SCNN1B: variants seen among roughly 807,000 people sequenced by gnomAD.
SCNN1B encodes the protein epithelial sodium channel subunit beta.
A neutral mutation model predicts 65.3 loss-of-function variants in SCNN1B; 46 were observed. The ratio of observed to expected loss-of-function variants is 0.70; its 90% CI spans 0.56 to 0.90. SCNN1B has a LOEUF of 0.90. SCNN1B is among the 40% of genes least tolerant of loss of function. The pLI is 0.00. For missense variants in SCNN1B, 751 were observed against 830.5 expected (o/e 0.90, Z 1.18); for synonymous variants, 349 against 330.6 (o/e 1.06, Z -0.60).
intron 1 of SCNN1B, among the ~76,000 whole-genome samples, chr16:23,323,885 CCTTT>C (rs1268053731): frequency 6.6e-6 from 1 of 152,142 alleles, no homozygotes; most frequent in Non-Finnish European, 1.5e-5. Context: ...CAGCATCAGT[CCTTT>C]CTAAGGCAAT....
chr16:23,302,690 C>A (rs1165688566), intron 1 of SCNN1B, among the ~76,000 whole-genome samples: 1 of 152,112 alleles, frequency 6.6e-6, no homozygotes, highest in East Asian at 1.9e-4. Flanking sequence ...CCAGGGTCCC[C>A]GGCGTGTCTG....
intron 1 of SCNN1B, among the ~76,000 whole-genome samples, chr16:23,306,024 C>A (rs555250331): frequency 1.3e-5 from 2 of 152,226 alleles, no homozygotes; most frequent in East Asian, 3.9e-4. Context: ...GGGTGGATCA[C>A]CTGAGTTCAG....
intron 1 of SCNN1B, among the ~76,000 whole-genome samples, chr16:23,305,534 T>TTATATATA (rs56338840): frequency 1.5e-3 from 11 of 7,372 alleles, no homozygotes; most frequent in Admixed American, 5.2e-3. Flanking sequence ...AATATATATA[T>TTATATATA]TATATATATA....
At chr16:23,284,675 T>C (rs1372271205) in intron 2 of SCNN1B, among the ~76,000 whole-genome samples, 3 of 152,112 alleles carry the variant, frequency 2.0e-5, no homozygotes, top group African/African-American at 7.2e-5. Context: ...TACAAAAGCA[T>C]GGAGTGAACC....
chr16:23,303,048 T>C (rs577745412), intron 1 of SCNN1B, among the ~76,000 whole-genome samples: 1 of 152,170 alleles, frequency 6.6e-6, no homozygotes, highest in African/African-American at 2.4e-5. Context: ...TTTGGGGTGA[T>C]GTGGTGGAGG....
chr16:23,327,676 C>T (rs1212381745), intron 1 of SCNN1B, among the ~76,000 whole-genome samples: 1 of 152,158 alleles, frequency 6.6e-6, no homozygotes, highest in Non-Finnish European at 1.5e-5. Context: ...TGTATCCATA[C>T]AGAGAAGCTG....
chr16:23,284,954 G>A (rs566299838), intron 2 of SCNN1B, among the ~76,000 whole-genome samples: 54 of 152,304 alleles, frequency 3.5e-4, no homozygotes, highest in African/African-American at 1.1e-3. Context: ...AAGACTATGC[G>A]AGTTCATGGT....
At chr16:23,374,038 A>T (rs929402858) in intron 7 of SCNN1B, among the ~76,000 whole-genome samples, 2 of 151,990 alleles carry the variant, frequency 1.3e-5, no homozygotes, top group African/African-American at 4.8e-5. Context: ...GCTTGAGCCC[A>T]CCCCAGCCTC....
chr16:23,366,818 C>T (rs1962679488), intron 4 of SCNN1B, among the ~76,000 whole-genome samples: 1 of 152,164 alleles, frequency 6.6e-6, no homozygotes, highest in Non-Finnish European at 1.5e-5. Flanking sequence ...GCCACCGCTC[C>T]CAACCTCCTC....
intron 1 of SCNN1B, among the ~76,000 whole-genome samples, chr16:23,303,090 C>T (rs943108541): frequency 6.6e-6 from 1 of 152,126 alleles, no homozygotes; most frequent in African/African-American, 2.4e-5. Flanking sequence ...CAGTTGTCTG[C>T]GCTGAGGATT....
rs1039373009 is a variant in SCNN1B at position 23,325,275 on chromosome 16, C to CT, written c.-9+22846dup. Among the ~76,000 whole-genome samples, 71 of 151,842 alleles carry CT rather than the reference C, an allele frequency of 4.7e-4. 1 individual carries two copies. Among genetic ancestry groups the CT allele is most frequent in the East Asian group, 1.7e-3 (9 of 5,168 alleles). ...TTATGTATTTTTCTTTTTTCTTTTT[C>CT]TTTTTTTTGAGTCTGGAGTCTCACT... On this transcript the variant is annotated intron_variant, in intron 1 of 12. Coordinates refer to ENST00000343070, the MANE Select transcript of SCNN1B (RefSeq NM_000336.3).
intron 5 of SCNN1B, among the ~76,000 whole-genome samples, chr16:23,370,725 G>C (rs565655485): frequency 6.6e-6 from 1 of 152,346 alleles, no homozygotes; most frequent in African/African-American, 2.4e-5. Flanking sequence ...TGAGATCTGA[G>C]GGAAGAGCAT....
chr16:23,358,342 G>T (rs186608250), intron 4 of SCNN1B: 1 of 152,174 alleles, frequency 6.6e-6, no homozygotes, highest in Admixed American at 6.6e-5. Context: ...GGGGTAGGGG[G>T]TAAGTGTAAT....
chr16:23,376,659 C>T (rs1373732849), intron 8 of SCNN1B, among the ~76,000 whole-genome samples: 1 of 149,886 alleles, frequency 6.7e-6, no homozygotes, highest in Non-Finnish European at 1.5e-5. Flanking sequence ...CCTGTAATCC[C>T]AACACTTTGG....
Position 23,380,492 on chromosome 16 carries a change from C to A in SCNN1B, c.1614C>A (p.Ile538=). The change falls in exon 13 of 13, where the codon ATC becomes ATA. Residue 538 remains isoleucine (I), a synonymous_variant. Transcript: ENST00000343070. The surrounding 1 kb of genome is among the most constrained non-coding windows in gnomAD (Gnocchi z 5.4). ...FWMGGSVLCL[I]EFGEIIIDFV... ...TGGGGGGCTCTGTGCTGTGCCTCAT[C>A]GAGTTTGGGGAGATCATCATCGACT... The A allele has an allele frequency of 1.9e-6, 3 of 1,614,208 alleles. No homozygotes were observed. Among genetic ancestry groups the A allele is most frequent in the Middle Eastern group, 1.6e-4 (1 of 6,062 alleles).
At chr16:23,316,505 CTCACCATCACCACCATCAGGA>C (rs1156989027) in intron 1 of SCNN1B, among the ~76,000 whole-genome samples, 2 of 138,676 alleles carry the variant, frequency 1.4e-5, no homozygotes, top group African/African-American at 5.4e-5. Context: ...CATCACCATC[CTCACCATCACCACCATCAGGA>C]TCACCATCAC....
At chr16:23,305,550 ATATAT>A (rs1961185450) in intron 1 of SCNN1B, among the ~76,000 whole-genome samples, 2 of 36,578 alleles carry the variant, frequency 5.5e-5, no homozygotes, top group African/African-American at 3.6e-4. Context: ...ATATATATAT[ATATAT>A]ATATATATAT....
upstream of SCNN1B, among the ~76,000 whole-genome samples, chr16:23,301,746 T>C (rs1961088711): frequency 3.3e-5 from 5 of 152,072 alleles, no homozygotes; most frequent in South Asian, 8.3e-4. Flanking sequence ...GAATTTCTAA[T>C]GCAAAGATAG....
At chr16:23,343,596 AAAGAAAGAAAGAAAGAAAGAAAG>A in intron 1 of SCNN1B, among the ~76,000 whole-genome samples, 1 of 100,588 alleles carries the variant, frequency 9.9e-6, no homozygotes, top group African/African-American at 3.9e-5. Context: ...AGAAAGAAAG[AAAGAAAGAAAGAAAGAAAGAAAG>A]AAAGAAAGAA....
Sources: allele counts gnomAD v4.1 joint callset (sites outside exome capture counted in the v4.1 genomes callset), GRCh38; gene constraint gnomAD v4.1.1; non-coding constraint Gnocchi (gnomAD v3.1); transcripts MANE v1.5; gene names NCBI Gene and HGNC (gene_info 2026-07-23, HGNC 2026-07-21).